Variants in KCNQ1 observed in about 807,000 individuals in gnomAD.
KCNQ1 encodes the protein potassium voltage-gated channel subfamily KQT member 1.
A neutral mutation model predicts 72.4 loss-of-function variants in KCNQ1; 49 were observed. The ratio of observed to expected loss-of-function variants is 0.68; its 90% CI spans 0.54 to 0.86. The LOEUF is 0.86. Among genes scored for constraint, KCNQ1 ranks in the 40% least tolerant of loss-of-function variants. KCNQ1 has a pLI of 0.00. For missense variants in KCNQ1, 790 were observed against 945.1 expected (o/e 0.84, Z 2.15); for synonymous variants, 450 against 412.6 (o/e 1.09, Z -1.10).
chr11:2,505,700 C>T (rs1199273628), intron 1 of KCNQ1, among the ~76,000 whole-genome samples: 3 of 152,168 alleles, frequency 2.0e-5, no homozygotes, highest in South Asian at 2.1e-4. Flanking sequence ...CTTGCAGCCT[C>T]GAACCTTTAA....
chr11:2,619,506 AAATT>A, intron 10 of KCNQ1: 1 of 398,580 alleles, frequency 2.5e-6, no homozygotes, highest in East Asian at 3.6e-5. Flanking sequence ...TGCATGCCAG[AAATT>A]AATTCCACAT....
In KCNQ1 at chr11:2,663,167, G is replaced by A; in HGVS notation, c.1514+1086G>A. 2.5e-6 allele frequency: 1 copy of A among 398,792 alleles called. No homozygotes were observed. The allele number at this position is 398,792 out of a possible 1,614,324, so 24.7% of individuals were successfully genotyped here. A position where few individuals can be genotyped will look rare whatever the true frequency, so the allele number is the denominator to read the frequency against. On this transcript the variant is annotated intron_variant, in intron 11 of 15. Coordinates refer to ENST00000155840, the MANE Select transcript of KCNQ1 (RefSeq NM_000218.3). The surrounding 1 kb of genome is among the most constrained non-coding windows in gnomAD (Gnocchi z 5.2). ...CCCACTGTCTTTCCAGGCCCCCCCA[G>A]TTCACAGAGAGGTTGGCAGTACCTC...
rs1023668430 is a variant in KCNQ1, at chr11:2,766,814, T to C, written c.1515-2030T>C. On this transcript the variant is annotated intron_variant, in intron 11 of 15. Transcript: ENST00000155840. This position sits in a 1 kb window ranked among gnomAD's most constrained non-coding sequence, Gnocchi z 4.4. ...GGATATTGATATGACATTACCTATT[T>C]CTTAGTCCTTATTTCTGTATCAGTT... 1.9e-4 allele frequency among the ~76,000 whole-genome samples: 29 copies of C among 152,232 alleles called. No individual in the cohort carries two copies. Among genetic ancestry groups the C allele is most frequent in the Non-Finnish European group, 7.3e-5 (5 of 68,038 alleles).
chr11:2,807,433 C>T (rs1457977472), intron 15 of KCNQ1, among the ~76,000 whole-genome samples: 1 of 152,216 alleles, frequency 6.6e-6, no homozygotes, highest in African/African-American at 2.4e-5. Flanking sequence ...GCGGTCGCTG[C>T]ACTGGGCCTC....
rs1301576900 is a variant in KCNQ1 at position 2,731,385 on chromosome 11, C to A, written c.1515-37459C>A. Among the ~76,000 whole-genome samples the A allele has an allele frequency of 2.0e-5, 3 of 152,240 alleles. No homozygotes were observed. In the East Asian group the frequency reaches 5.8e-4, roughly 29 times the overall value. On this transcript the variant is annotated intron_variant, in intron 11 of 15. Coordinates refer to ENST00000155840, the MANE Select transcript of KCNQ1 (RefSeq NM_000218.3). ...CTCGGGAATTCAGGCCTTGGTGAGT[C>A]TGGCACATTCCGGCTGTGTGTCAGC...
chr11:2,616,549 T>G, intron 10 of KCNQ1: 2 of 398,124 alleles, frequency 5.0e-6, no homozygotes, highest in Non-Finnish European at 8.9e-6. Context: ...TCTGAGCACT[T>G]CTTTCACTAC....
rs1848755693 is a variant in KCNQ1, at chr11:2,598,038, CTTTG to C, written c.1393+9187_1393+9190del. 6.6e-6 allele frequency among the ~76,000 whole-genome samples: 1 copy of C among 152,120 alleles called. No homozygotes were observed. Among genetic ancestry groups the C allele is most frequent in the Non-Finnish European group, 1.5e-5 (1 of 67,962 alleles). The stretch of plus-strand genomic sequence containing the variant: ...ATTATCAGAAAACTATCTTTGTACT[CTTTG>C]TTATCTATTTCATTAATCTAAGCTT... On this transcript the variant is annotated intron_variant, in intron 10 of 15. Transcript: ENST00000155840. This position sits in a 1 kb window ranked among gnomAD's most constrained non-coding sequence, Gnocchi z 6.2.
At position 2,808,061 on chromosome 11, in the gene KCNQ1, C is replaced by T. The variant is rs965067813; in HGVS notation, c.1794+30024C>T. Among the ~76,000 whole-genome samples, 3 of 152,186 alleles carry T rather than the reference C, an allele frequency of 2.0e-5. No individual in the cohort carries two copies. The highest frequency in any genetic ancestry group is 2.9e-5 in the Non-Finnish European group (2 of 68,014). On this transcript the variant is annotated intron_variant, in intron 15 of 15. Coordinates refer to ENST00000155840, the MANE Select transcript of KCNQ1 (RefSeq NM_000218.3). The surrounding 1 kb of genome is among the most constrained non-coding windows in gnomAD (Gnocchi z 6.0). ...TGAGCACCTGGCCCAGTGCCCGGCA[C>T]GTGGCAAGTGAAGGCGGCTGCTTCC... is the stretch of plus-strand genomic sequence containing the variant.
rs544742166 is a variant in KCNQ1 at position 2,817,714 on chromosome 11, G to A, written c.1795-30053G>A. On this transcript the variant is annotated intron_variant, in intron 15 of 15. Coordinates refer to ENST00000155840, the MANE Select transcript of KCNQ1 (RefSeq NM_000218.3). This position sits in a 1 kb window ranked among gnomAD's most constrained non-coding sequence, Gnocchi z 6.1. ...GAGCCGAGGCCCCCTTCTCACAGGG[G>A]CCTACCCACTTACGACCCACCTCCT... Among the ~76,000 whole-genome samples, 3 of 152,224 alleles carry A rather than the reference G, an allele frequency of 2.0e-5. No individual in the cohort carries two copies. The South Asian group carries it at 6.2e-4, about 32-fold the overall frequency.
intron 10 of KCNQ1, chr11:2,609,685 C>T (rs1848946119): frequency 2.5e-6 from 1 of 398,176 alleles, no homozygotes; most frequent in South Asian, 1.3e-4. Context: ...GTTTTTGCTT[C>T]TTATGTTTTA....
At position 2,593,103 on chromosome 11, in the gene KCNQ1, C is replaced by T. The variant is rs1171763432; in HGVS notation, c.1393+4249C>T. 6.6e-6 allele frequency among the ~76,000 whole-genome samples: 1 copy of T among 152,246 alleles called. No individual in the cohort carries two copies. The highest frequency in any genetic ancestry group is 6.5e-5 in the Admixed American group (1 of 15,288). On this transcript the variant is annotated intron_variant, in intron 10 of 15. Transcript: ENST00000155840. This position sits in a 1 kb window ranked among gnomAD's most constrained non-coding sequence, Gnocchi z 6.9. ...GGGAGTGGCCCTTTGTCTTTCACCACTGACCCTTCCCAAGCTGGTACCATG... is the reference window on the plus strand; with the variant it reads ...GGGAGTGGCCCTTTGTCTTTCACCATTGACCCTTCCCAAGCTGGTACCATG...
rs1847666671 is a variant in KCNQ1, at chr11:2,818,544, C to T, written c.1795-29223C>T. 1.3e-5 allele frequency among the ~76,000 whole-genome samples: 2 copies of T among 152,180 alleles called. No individual in the cohort carries two copies. The highest frequency in any genetic ancestry group is 1.3e-4 in the Admixed American group (2 of 15,286). On this transcript the variant is annotated intron_variant, in intron 15 of 15. Coordinates refer to ENST00000155840, the MANE Select transcript of KCNQ1 (RefSeq NM_000218.3). This position sits in a 1 kb window ranked among gnomAD's most constrained non-coding sequence, Gnocchi z 7.2. Reference sequence around the variant, plus strand: ...CCCGGGGTGAGGGGCCTAGAAACCCCTCTCCACCAGATGCCTTACACCCCC... The same window carrying T: ...CCCGGGGTGAGGGGCCTAGAAACCCTTCTCCACCAGATGCCTTACACCCCC...
In KCNQ1 at chr11:2,447,378, C is replaced by T. The variant is rs1846054481; in HGVS notation, c.386+1894C>T. 6.6e-6 allele frequency among the ~76,000 whole-genome samples: 1 copy of T among 152,110 alleles called. No individual in the cohort carries two copies. The highest frequency in any genetic ancestry group is 6.5e-5 in the Admixed American group (1 of 15,278). ...GATCTGGGGCTGGTCCTTTCCAGTT[C>T]TGGGTCCTGTCCTTGTAAGACGTGT... On this transcript the variant is annotated intron_variant, in intron 1 of 15. Coordinates refer to ENST00000155840, the MANE Select transcript of KCNQ1 (RefSeq NM_000218.3). This position sits in a 1 kb window ranked among gnomAD's most constrained non-coding sequence, Gnocchi z 7.6.
At chr11:2,501,808 C>A (rs2133644926) in intron 1 of KCNQ1, among the ~76,000 whole-genome samples, 1 of 147,916 alleles carries the variant, frequency 6.8e-6, no homozygotes, top group African/African-American at 2.5e-5. Flanking sequence ...AAAATACTAG[C>A]AAAGCAAATT....
rs117067972 is a variant in KCNQ1, at chr11:2,732,201, C to T, written c.1515-36643C>T. ...CAGCCTTCTGTTTGGTGGGTGAGGA[C>T]GATGCTTGGTCTTGCCTCAGGAGCA... On this transcript the variant is annotated intron_variant, in intron 11 of 15. Coordinates refer to ENST00000155840, the MANE Select transcript of KCNQ1 (RefSeq NM_000218.3). Among the ~76,000 whole-genome samples the T allele has an allele frequency of 1.2e-4, 18 of 152,346 alleles. No homozygotes were observed. In the East Asian group the frequency reaches 3.5e-3, roughly 29 times the overall value.
In KCNQ1 at chr11:2,620,098, G is replaced by A. The variant is rs1200696397; in HGVS notation, c.1393+31244G>A. The A allele has an allele frequency of 2.5e-6, 1 of 398,012 alleles. No homozygotes were observed. Among genetic ancestry groups the A allele is most frequent in the Non-Finnish European group, 4.4e-6 (1 of 225,980 alleles). 24.7% of individuals were successfully genotyped at this position (398,012 alleles called of 1,614,324 possible). A position where few individuals can be genotyped will look rare whatever the true frequency, so the allele number is the denominator to read the frequency against. ...CAGTGTTTAGGTCCCACTTGCAAGT[G>A]GTAACATGCAGTATTTGGTTTTCTG... is the stretch of plus-strand genomic sequence containing the variant. On this transcript the variant is annotated intron_variant, in intron 10 of 15. Transcript: ENST00000155840. This position sits in a 1 kb window ranked among gnomAD's most constrained non-coding sequence, Gnocchi z 4.5.
In KCNQ1 at chr11:2,673,371, C is replaced by G; in HGVS notation, c.1514+11290C>G. 1 of 398,594 alleles carries G rather than the reference C, an allele frequency of 2.5e-6. No individual in the cohort carries two copies. The highest frequency in any genetic ancestry group is 4.4e-6 in the Non-Finnish European group (1 of 226,108). The allele number at this position is 398,594 out of a possible 1,614,324, so 24.7% of individuals were successfully genotyped here. ...TAGCAAACAAAGGGAAGTGACAGAG[C>G]AGAGCTCCCCTTGGCCTTTGTTTAG... is the stretch of plus-strand genomic sequence containing the variant. On this transcript the variant is annotated intron_variant, in intron 11 of 15. Coordinates refer to ENST00000155840, the MANE Select transcript of KCNQ1 (RefSeq NM_000218.3). The surrounding 1 kb of genome is among the most constrained non-coding windows in gnomAD (Gnocchi z 4.5).
chr11:2,565,236 C>T lies in KCNQ1; in HGVS notation c.478-5392C>T, dbSNP rs1344888455. ...TTAAAGGAGCTGTGGCATTCTACAT[C>T]CCCCAGCAGCACACAAGGTCCCAAC... On this transcript the variant is annotated intron_variant, in intron 2 of 15. Transcript: ENST00000155840. The surrounding 1 kb of genome is among the most constrained non-coding windows in gnomAD (Gnocchi z 5.6). Among the ~76,000 whole-genome samples the T allele has an allele frequency of 6.6e-6, 1 of 152,160 alleles. No homozygotes were observed. Among genetic ancestry groups the T allele is most frequent in the East Asian group, 1.9e-4 (1 of 5,198 alleles).
Position 2,651,573 on chromosome 11 carries a change from T to C in KCNQ1, c.1394-10388T>C. ...ATGGATATTGTGTTCTTTACCTCCA[T>C]GTCTCCAGTGCCTGCCACATAGCAG... On this transcript the variant is annotated intron_variant, in intron 10 of 15. Transcript: ENST00000155840. This position sits in a 1 kb window ranked among gnomAD's most constrained non-coding sequence, Gnocchi z 6.1. 2.5e-6 allele frequency: 1 copy of C among 398,642 alleles called. No individual in the cohort carries two copies. The highest frequency in any genetic ancestry group is 3.6e-5 in the East Asian group (1 of 28,072). 24.7% of individuals were successfully genotyped at this position (398,642 alleles called of 1,614,324 possible). A position where few individuals can be genotyped will look rare whatever the true frequency, so the allele number is the denominator to read the frequency against.
Sources: gnomAD v4.1 joint callset for allele counts (sites outside exome capture counted in the v4.1 genomes callset) on GRCh38, gnomAD v4.1.1 for gene constraint, Gnocchi (gnomAD v3.1) non-coding constraint, MANE v1.5 for transcripts, NCBI Gene and HGNC (gene_info 2026-07-23, HGNC 2026-07-21) for gene names.